The following MSH3 variants were observed in gnomAD, a reference collection of about 807,000 sequenced individuals.
MSH3 encodes the protein mutS homolog 3.
Under a neutral mutation model 123.3 loss-of-function variants are expected in MSH3, and 106 were observed. The observed-to-expected ratio is 0.86, with a 90% CI of 0.73 to 1.01. MSH3 has a LOEUF of 1.01. Ranked by LOEUF, MSH3 falls within the 50% of genes least tolerant of loss-of-function variation. The pLI, the probability that MSH3 is intolerant of heterozygous loss-of-function variation, is 0.00. For missense variants in MSH3, 1,459 were observed against 1,347.6 expected, an observed-to-expected ratio of 1.08 and a Z score of -1.29; for synonymous variants, 515 against 481.4, an observed-to-expected ratio of 1.07 and a Z score of -0.91.
At chr5:80,685,201 C>CTTTT (rs70991171) in intron 8 of MSH3, among the ~76,000 whole-genome samples, 2 of 107,654 alleles carry the variant, frequency 1.9e-5, no homozygotes, top group African/African-American at 3.5e-5. Context: ...AAGTATTCTC[C>CTTTT]TTTTTTTTTT....
At chr5:80,663,561 A>G (rs1210856396) in intron 2 of MSH3, among the ~76,000 whole-genome samples, 1 of 145,544 alleles carries the variant, frequency 6.9e-6, no homozygotes, top group Non-Finnish European at 1.5e-5. Context: ...GTTTTTTTTT[A>G]TGTCTATAGG....
intron 13 of MSH3, among the ~76,000 whole-genome samples, chr5:80,763,579 C>T (rs1019561188): frequency 2.0e-5 from 3 of 152,200 alleles, no homozygotes; most frequent in Admixed American, 6.5e-5. Flanking sequence ...AACAACAGAT[C>T]TCCAGGCACC....
chr5:80,657,411 A>G (rs2112802786), intron 2 of MSH3, among the ~76,000 whole-genome samples: 1 of 152,348 alleles, frequency 6.6e-6, no homozygotes, highest in South Asian at 2.1e-4. Context: ...ACTGCACTCC[A>G]CCCTGGGCAA....
chr5:80,763,283 G>GT (rs1744073338), intron 13 of MSH3, among the ~76,000 whole-genome samples: 1 of 152,166 alleles, frequency 6.6e-6, no homozygotes, highest in Admixed American at 6.5e-5. Context: ...GAGGACTTAC[G>GT]TAACTGTTTT....
chr5:80,836,687 C>T (rs1202087276), intron 20 of MSH3, among the ~76,000 whole-genome samples: 19 of 151,968 alleles, frequency 1.3e-4, no homozygotes, highest in Admixed American at 1.2e-3. Flanking sequence ...AACCTGTGCA[C>T]ATCCTCCTCG....
intron 15 of MSH3, among the ~76,000 whole-genome samples, chr5:80,770,457 A>G (rs543393765): frequency 1.4e-4 from 22 of 152,290 alleles, no homozygotes; most frequent in African/African-American, 5.1e-4. Context: ...AATAACAATA[A>G]TAGTAATACA....
At chr5:80,824,128 C>T (rs1185288148) in intron 20 of MSH3, among the ~76,000 whole-genome samples, 1 of 152,246 alleles carries the variant, frequency 6.6e-6, no homozygotes, top group Non-Finnish European at 1.5e-5. Context: ...TCTGATTTCT[C>T]TGTCTTTTCC....
chr5:80,779,874 A>G (rs556357100), intron 17 of MSH3, among the ~76,000 whole-genome samples: 1 of 152,072 alleles, frequency 6.6e-6, no homozygotes, highest in South Asian at 2.1e-4. Context: ...AAAAATTAAC[A>G]TTAATTTATG....
chr5:80,724,892 T>C (rs1215140420), intron 8 of MSH3, among the ~76,000 whole-genome samples: 1 of 152,178 alleles, frequency 6.6e-6, no homozygotes, highest in Non-Finnish European at 1.5e-5. Flanking sequence ...ATACTCACAA[T>C]GTGCTAGGTG....
chr5:80,833,467 G>A (rs556339260), intron 20 of MSH3, among the ~76,000 whole-genome samples: 1 of 152,106 alleles, frequency 6.6e-6, no homozygotes, highest in Non-Finnish European at 1.5e-5. Context: ...GTTTTGAGAT[G>A]GAGTCTCGCT....
At chr5:80,850,405 A>G (rs1430432218) in intron 20 of MSH3, among the ~76,000 whole-genome samples, 1 of 152,066 alleles carries the variant, frequency 6.6e-6, no homozygotes, top group East Asian at 1.9e-4. Flanking sequence ...CCATTTTCAC[A>G]CTGCTGATAA....
Position 80,780,753 on chromosome 5 carries a change from C to T in MSH3, c.2435+1917C>T, listed in dbSNP as rs1013663329. Among the ~76,000 whole-genome samples, 4 of 152,138 alleles carry T rather than the reference C, an allele frequency of 2.6e-5. No homozygotes were observed. The East Asian group carries it at 7.8e-4, about 30-fold the overall frequency. On this transcript the variant is annotated intron_variant, in intron 17 of 23. Coordinates refer to ENST00000265081, the MANE Select transcript of MSH3 (RefSeq NM_002439.5). ...GTGGTGGCATGTACCTGTAATCCCA[C>T]GTAACTCAGTAAGCTAATGCACGAG...
rs1458242682 is a variant in MSH3, at chr5:80,767,968, T to C, written c.1932T>C (p.Thr644=). Residue 644 remains threonine, a synonymous_variant, in exon 14 of 24, where the codon ACT becomes ACC. Transcript: ENST00000265081. ...STQEFFLIVK[T]LYHLKSEFQA... ...AAGAGTTCTTCTTGATTGTCAAAAC[T>C]TTATATCACCTAAAGTCAGAATTTC... The C allele has an allele frequency of 1.2e-6, 2 of 1,613,266 alleles. No homozygotes were observed. Among genetic ancestry groups the C allele is most frequent in the South Asian group, 2.2e-5 (2 of 91,066 alleles).
chr5:80,851,296 C>T (rs1164582360), intron 20 of MSH3, among the ~76,000 whole-genome samples: 2 of 152,078 alleles, frequency 1.3e-5, no homozygotes, highest in Non-Finnish European at 2.9e-5. Context: ...TGTAACAAGT[C>T]TCTGTCTCAT....
intron 10 of MSH3, among the ~76,000 whole-genome samples, chr5:80,731,816 A>G (rs184456875): frequency 6.6e-6 from 1 of 152,252 alleles, no homozygotes; most frequent in East Asian, 1.9e-4. Flanking sequence ...TAGATGAAAA[A>G]TTCAGTTGCA....
At chr5:80,839,045 A>G (rs1745568226) in intron 20 of MSH3, among the ~76,000 whole-genome samples, 1 of 152,212 alleles carries the variant, frequency 6.6e-6, no homozygotes, top group African/African-American at 2.4e-5. Context: ...CTATTGTTTA[A>G]GACGTGATCT....
At chr5:80,773,570 CAAG>C (rs922172245) in intron 15 of MSH3, among the ~76,000 whole-genome samples, 4 of 152,030 alleles carry the variant, frequency 2.6e-5, no homozygotes, top group African/African-American at 9.7e-5. Flanking sequence ...AAAATAAACT[CAAG>C]AACCATGTTG....
At chr5:80,791,690 A>G in intron 18 of MSH3, among the ~76,000 whole-genome samples, 1 of 152,230 alleles carries the variant, frequency 6.6e-6, no homozygotes, top group Admixed American at 6.5e-5. Flanking sequence ...CAGATAGTAA[A>G]TGGTGAAATC....
chr5:80,664,139 A>G (rs1749510527), intron 2 of MSH3, among the ~76,000 whole-genome samples: 1 of 152,164 alleles, frequency 6.6e-6, no homozygotes, highest in Non-Finnish European at 1.5e-5. Context: ...CCACAGGGAG[A>G]TGTGATCTTG....
Sources: allele counts gnomAD v4.1 joint callset (sites outside exome capture counted in the v4.1 genomes callset), GRCh38; gene constraint gnomAD v4.1.1; transcripts MANE v1.5; gene names NCBI Gene and HGNC (gene_info 2026-07-23, HGNC 2026-07-21).